The following ENAH variants were observed in gnomAD, a reference collection of about 807,000 sequenced individuals.
The protein encoded by ENAH is protein enabled homolog.
In ENAH, 23 loss-of-function variants were observed where a neutral mutation model predicts 78.7. That is an observed-to-expected ratio of 0.29 (90% CI 0.21 to 0.41). ENAH has a LOEUF of 0.41. Among genes scored for constraint, ENAH ranks in the 10% least tolerant of loss-of-function variants. ENAH has a pLI of 1.00. For synonymous variants in ENAH, 226 were observed against 241.0 expected (o/e 0.94, Z 0.58); for missense variants, 544 against 691.0 (o/e 0.79, Z 2.39).
chr1:225,636,305 A>G (rs1355377607), intron 1 of ENAH, among the ~76,000 whole-genome samples: 2 of 152,236 alleles, frequency 1.3e-5, no homozygotes, highest in Non-Finnish European at 2.9e-5. Flanking sequence ...TCAATATGTT[A>G]CAGGGAAACA....
In ENAH at chr1:225,525,137, A is replaced by G. The variant is rs2096494407; in HGVS notation, c.434+5417T>C. On this transcript the variant is annotated intron_variant, in intron 4 of 13. Coordinates refer to ENST00000366843, the MANE Select transcript of ENAH (RefSeq NM_018212.6). Reference sequence around the variant, plus strand: ...GTACTTATCACATGTTTCTAAATACAGTAATTCATTTAGAACTATTACTTC... The same window carrying G: ...GTACTTATCACATGTTTCTAAATACGGTAATTCATTTAGAACTATTACTTC... 2.0e-5 allele frequency among the ~76,000 whole-genome samples: 3 copies of G among 152,218 alleles called. No individual in the cohort carries two copies. In the South Asian group the frequency reaches 6.2e-4, roughly 31 times the overall value.
intron 3 of ENAH, chr1:225,531,091 G>A (rs537266420): frequency 2.5e-6 from 1 of 398,860 alleles, no homozygotes; most frequent in East Asian, 3.6e-5. Flanking sequence ...GAGAGAGCAT[G>A]AGAACCTTAT....
intron 1 of ENAH, among the ~76,000 whole-genome samples, chr1:225,582,554 T>C (rs1172099630): frequency 3.3e-5 from 5 of 152,098 alleles, no homozygotes; most frequent in African/African-American, 7.2e-5. Flanking sequence ...GATAAAAGGA[T>C]AGAGTTCAGG....
intron 1 of ENAH, among the ~76,000 whole-genome samples, chr1:225,619,782 C>T (rs1285039570): frequency 1.3e-5 from 2 of 152,114 alleles, no homozygotes; most frequent in East Asian, 3.9e-4. Flanking sequence ...CAGTGTCTTC[C>T]CAAATAAATT....
intron 11 of ENAH, among the ~76,000 whole-genome samples, chr1:225,502,117 T>C (rs993522905): frequency 3.9e-5 from 6 of 152,224 alleles, no homozygotes; most frequent in Admixed American, 3.9e-4. Context: ...TTTTTCAAAG[T>C]TATAATTTAT....
intron 1 of ENAH, among the ~76,000 whole-genome samples, chr1:225,640,185 ATCTTAC>A (rs1260205139): frequency 6.6e-6 from 1 of 152,244 alleles, no homozygotes; most frequent in Non-Finnish European, 1.5e-5. Flanking sequence ...GTTTCATGTG[ATCTTAC>A]AATTTTCTCA....
chr1:225,643,832 G>C (rs1661500030), intron 1 of ENAH, among the ~76,000 whole-genome samples: 1 of 152,158 alleles, frequency 6.6e-6, no homozygotes, highest in African/African-American at 2.4e-5. Context: ...AGCTACTCAG[G>C]AGGCTGAGAT....
rs1017440645 is a variant in ENAH, at chr1:225,494,894, T to C, written c.*2881A>G. 1.1e-4 allele frequency: 17 copies of C among 152,624 alleles called. No individual in the cohort carries two copies. The highest frequency in any genetic ancestry group is 4.1e-4 in the African/African-American group (17 of 41,544). The allele number at this position is 152,624 out of a possible 1,614,324, so 9.5% of individuals were successfully genotyped here. A position where few individuals can be genotyped will look rare whatever the true frequency, so the allele number is the denominator to read the frequency against. Reference sequence around the variant, plus strand: ...TTAAATGAAACAAATTTAAACGAAATAGTTACGGTAAAAATAGCAGAAAAC... The same window carrying C: ...TTAAATGAAACAAATTTAAACGAAACAGTTACGGTAAAAATAGCAGAAAAC... On this transcript the variant is annotated 3_prime_UTR_variant, in exon 14 of 14. Transcript: ENST00000366843.
intron 1 of ENAH, among the ~76,000 whole-genome samples, chr1:225,599,086 C>A (rs1196152920): frequency 6.6e-6 from 1 of 152,260 alleles, no homozygotes; most frequent in South Asian, 2.1e-4. Context: ...CTAGGTAATA[C>A]AATAAACAGT....
intron 1 of ENAH, among the ~76,000 whole-genome samples, chr1:225,571,317 G>A (rs1393341639): frequency 6.6e-6 from 1 of 151,746 alleles, no homozygotes; most frequent in Non-Finnish European, 1.5e-5. Flanking sequence ...AGGTTGCAGT[G>A]AGCCGAGATC....
At chr1:225,555,662 C>T (rs374472589) in intron 2 of ENAH, among the ~76,000 whole-genome samples, 1 of 151,958 alleles carries the variant, frequency 6.6e-6, no homozygotes, top group African/African-American at 2.4e-5. Flanking sequence ...TGAAGTTTTA[C>T]AAATACAAAA....
intron 11 of ENAH, chr1:225,505,111 C>T: frequency 7.6e-7 from 1 of 1,314,366 alleles, no homozygotes; most frequent in Non-Finnish European, 1.1e-6. Context: ...AAATAATTCT[C>T]ATTATGTTAC....
chr1:225,493,680 C>A lies in ENAH; in HGVS notation c.*4095G>T, dbSNP rs2096234608. On this transcript the variant is annotated 3_prime_UTR_variant, in exon 14 of 14. Coordinates refer to ENST00000366843, the MANE Select transcript of ENAH (RefSeq NM_018212.6). ...AGGAAAGTGAATTTTATGATAGCTA[C>A]ATAAAGGAATTAAGAGCTCCTGCAG... 6.6e-6 allele frequency: 1 copy of A among 152,110 alleles called. No individual in the cohort carries two copies. The highest frequency in any genetic ancestry group is 2.1e-4 in the South Asian group (1 of 4,822). 9.4% of individuals were successfully genotyped at this position (152,110 alleles called of 1,614,324 possible). A position where few individuals can be genotyped will look rare whatever the true frequency, so the allele number is the denominator to read the frequency against.
At chr1:225,524,924 T>A (rs949657901) in intron 4 of ENAH, among the ~76,000 whole-genome samples, 1 of 152,184 alleles carries the variant, frequency 6.6e-6, no homozygotes, top group Non-Finnish European at 1.5e-5. Context: ...ATTGGACTAA[T>A]AAGAATGAAC....
intron 1 of ENAH, among the ~76,000 whole-genome samples, chr1:225,637,352 C>T (rs1277522608): frequency 6.6e-6 from 1 of 152,210 alleles, no homozygotes; most frequent in Non-Finnish European, 1.5e-5. Context: ...GGATTATAGG[C>T]ATGCGCCATC....
intron 1 of ENAH, among the ~76,000 whole-genome samples, chr1:225,601,520 C>T (rs961821427): frequency 1.4e-5 from 2 of 144,000 alleles, no homozygotes; most frequent in African/African-American, 5.1e-5. Context: ...TCCATCTCCC[C>T]GCCAAAAAAA....
intron 1 of ENAH, among the ~76,000 whole-genome samples, chr1:225,624,380 T>C (rs186956842): frequency 7.2e-4 from 110 of 152,256 alleles, no homozygotes; most frequent in African/African-American, 2.5e-3. Flanking sequence ...TCCCAGCATT[T>C]TGGGAGGCTG....
At chr1:225,510,923 A>C (rs529906609) in intron 10 of ENAH, among the ~76,000 whole-genome samples, 5 of 152,068 alleles carry the variant, frequency 3.3e-5, no homozygotes, top group Non-Finnish European at 7.4e-5. Context: ...TGGGGGGCTA[A>C]GGTGGGAGGA....
At chr1:225,550,248 C>T (rs569129841) in intron 3 of ENAH, among the ~76,000 whole-genome samples, 4 of 152,316 alleles carry the variant, frequency 2.6e-5, no homozygotes, top group African/African-American at 7.2e-5. Context: ...AAAGCTTTCC[C>T]TGACCCTAGA....
Sources: gnomAD v4.1 joint callset for allele counts (sites outside exome capture counted in the v4.1 genomes callset) on GRCh38, gnomAD v4.1.1 for gene constraint, MANE v1.5 for transcripts, NCBI Gene and HGNC (gene_info 2026-07-23, HGNC 2026-07-21) for gene names.